The following NUP155 variants were observed in gnomAD, a reference collection of about 807,000 sequenced individuals.
NUP155 encodes nucleoporin 155, also known as nuclear pore complex protein Nup155.
Under a neutral mutation model 180.4 loss-of-function variants are expected in NUP155, and 71 were observed. That is an observed-to-expected ratio of 0.39 (90% CI 0.33 to 0.48). The LOEUF (loss-of-function observed/expected upper bound fraction) is 0.48, where lower values mean the gene tolerates loss of function less well. Ranked by LOEUF, NUP155 falls within the 20% of genes least tolerant of loss-of-function variation. The pLI is 0.91. For missense variants in NUP155, 1,553 were observed against 1,648.9 expected (o/e 0.94, Z 1.01); for synonymous variants, 582 against 559.5 (o/e 1.04, Z -0.57).
Position 37,349,219 on chromosome 5 carries a change from T to C in NUP155, c.856A>G (p.Asn286Asp). The C allele has an allele frequency of 1.2e-6, 1 of 832,740 alleles. No individual in the cohort carries two copies. 51.6% of individuals were successfully genotyped at this position (832,740 alleles called of 1,614,324 possible). Reference protein sequence around the residue: ...DDPILQIAIDNSRNILYTRSE... With the variant: ...DDPILQIAIDDSRNILYTRSE... ...CGTGTATATAAAATATTTCTAGAAT[T>C]ATCAATTGCAATTTGAAGAATAGGA... Residue 286 changes from asparagine (N) to aspartate (D), a missense_variant, in exon 8 of 35, where the codon AAT becomes GAT. Coordinates refer to ENST00000231498, the MANE Select transcript of NUP155 (RefSeq NM_153485.3).
intron 1 of NUP155, among the ~76,000 whole-genome samples, chr5:37,366,362 T>C (rs1166423813): frequency 6.6e-6 from 1 of 152,258 alleles, no homozygotes; most frequent in South Asian, 2.1e-4. Context: ...ACCCATGTAC[T>C]GATTATCCAA....
chr5:37,321,749 T>TAC (rs745455978), intron 20 of NUP155, among the ~76,000 whole-genome samples: 36 of 151,944 alleles, frequency 2.4e-4, no homozygotes, highest in South Asian at 4.2e-4. Flanking sequence ...TATATATGTA[T>TAC]ACACACACAC....
chr5:37,340,296 C>T (rs1279000504), intron 11 of NUP155, among the ~76,000 whole-genome samples: 1 of 151,970 alleles, frequency 6.6e-6, no homozygotes, highest in African/African-American at 2.4e-5. Flanking sequence ...CAAAAATTAG[C>T]CGGGTGTGGT....
chr5:37,298,918 A>C lies in NUP155; in HGVS notation c.3743T>G (p.Ile1248Ser). 3 of 1,613,606 alleles carry C rather than the reference A, an allele frequency of 1.9e-6. No homozygotes were observed. The highest frequency in any genetic ancestry group is 1.7e-4 in the Middle Eastern group (1 of 6,060). Residue 1248 changes from isoleucine to serine, a missense_variant, in exon 32 of 35, where the codon ATT (isoleucine) becomes AGT (serine). Ile to Ser is a moderately radical substitution (Grantham distance 142, BLOSUM62 -2). Coordinates refer to ENST00000231498, the MANE Select transcript of NUP155 (RefSeq NM_153485.3). ...SDRMHALSLK[I>S]VLLGKIYAGT... Reference sequence around the variant, plus strand: ...AGCATAAATTTTGCCAAGGAGAACAATCTTGAGACTAAGAGCATGCATTCT... The same window carrying C: ...AGCATAAATTTTGCCAAGGAGAACACTCTTGAGACTAAGAGCATGCATTCT...
At chr5:37,363,344 C>T (rs1747343448) in intron 3 of NUP155, among the ~76,000 whole-genome samples, 1 of 152,120 alleles carries the variant, frequency 6.6e-6, no homozygotes, top group Non-Finnish European at 1.5e-5. Context: ...ATGTAATGGA[C>T]AACTGGAAGT....
chr5:37,301,580 A>C, intron 29 of NUP155, 30 bp from the exon 30 acceptor site: 1 of 1,287,894 alleles, frequency 7.8e-7, no homozygotes, highest in Non-Finnish European at 1.1e-6. Context: ...GGATGTCTTA[A>C]TTTATTTATG....
rs141281600 is a variant in NUP155, at chr5:37,301,875, G to A, written c.3448-325C>T. On this transcript the variant is annotated intron_variant, in intron 29 of 34. Transcript: ENST00000231498. Reference sequence around the variant, plus strand: ...TCTCTTCAAAGGAATGTGAGTAGAAGTAGTGTGTCATGTCAGGGCTATAGT... The same window carrying A: ...TCTCTTCAAAGGAATGTGAGTAGAAATAGTGTGTCATGTCAGGGCTATAGT... Among the ~76,000 whole-genome samples the A allele has an allele frequency of 3.0e-4, 45 of 152,320 alleles. No individual in the cohort carries two copies. In the East Asian group the frequency reaches 8.5e-3, roughly 29 times the overall value.
chr5:37,334,993 A>T (rs1745229240), intron 12 of NUP155, among the ~76,000 whole-genome samples: 1 of 151,958 alleles, frequency 6.6e-6, no homozygotes, highest in Non-Finnish European at 1.5e-5. Context: ...CCCTGTCTCT[A>T]CTAAAAATAG....
At chr5:37,300,756 A>T (rs747957902) in intron 30 of NUP155, among the ~76,000 whole-genome samples, 40 of 152,080 alleles carry the variant, frequency 2.6e-4, no homozygotes, top group Admixed American at 1.0e-3. Flanking sequence ...TCCTGGGCTA[A>T]ATCAATCCTC....
rs199631516 is a variant in NUP155 at position 37,292,896 on chromosome 5, T to C, written c.4020A>G (p.Gln1340=). Residue 1340 remains glutamine (Q), a synonymous_variant, in exon 34 of 35, where the codon CAA becomes CAG. Transcript: ENST00000231498. ...LLIRYVENPS[Q]VLNCERRRFT... is the part of the protein sequence containing the mutation. ...ATAAGTACCTTTCACAATTTAAAAC[T>C]TGGCTGGGATTCTCAACATATCTTA... 34 of 1,608,074 alleles carry C rather than the reference T, an allele frequency of 2.1e-5. No homozygotes were observed. In the East Asian group the frequency reaches 5.6e-4, roughly 26 times the overall value.
At chr5:37,360,925 A>C (rs1314320073) in intron 3 of NUP155, among the ~76,000 whole-genome samples, 3 of 152,144 alleles carry the variant, frequency 2.0e-5, no homozygotes, top group Non-Finnish European at 4.4e-5. Context: ...GGTATATAAC[A>C]AAAGTATAGC....
intron 12 of NUP155, among the ~76,000 whole-genome samples, chr5:37,334,286 A>G (rs1208094139): frequency 2.0e-5 from 3 of 151,884 alleles, no homozygotes; most frequent in Admixed American, 1.3e-4. Flanking sequence ...TATGTTTTGT[A>G]TGAACAGGGT....
At chr5:37,303,038 T>G in intron 28 of NUP155, 130 bp from the exon 29 acceptor site, 1 of 1,145,258 alleles carries the variant, frequency 8.7e-7, no homozygotes, top group Non-Finnish European at 1.3e-6. Context: ...AAAAAAATCA[T>G]TAGATTTAAA....
chr5:37,337,614 A>C (rs1745418469), intron 12 of NUP155, among the ~76,000 whole-genome samples: 1 of 152,190 alleles, frequency 6.6e-6, no homozygotes, highest in South Asian at 2.1e-4. Context: ...GTTTTCTTTA[A>C]AGATTTTTTT....
chr5:37,321,918 C>T (rs1011626735), intron 20 of NUP155, among the ~76,000 whole-genome samples: 45 of 152,098 alleles, frequency 3.0e-4, no homozygotes, highest in Middle Eastern at 3.4e-3. Flanking sequence ...TGCAATGGCA[C>T]GATCTGGGCT....
chr5:37,315,096 G>A (rs1191980025), intron 21 of NUP155, among the ~76,000 whole-genome samples: 1 of 152,042 alleles, frequency 6.6e-6, no homozygotes, highest in Non-Finnish European at 1.5e-5. Context: ...GATGGGTGTG[G>A]TGGCACACGC....
At chr5:37,333,704 TTAA>T (rs1443875816) in intron 12 of NUP155, 71 bp from the exon 13 acceptor site, 3 of 1,091,424 alleles carry the variant, frequency 2.7e-6, no homozygotes, top group Non-Finnish European at 4.1e-6. Flanking sequence ...AACTACAGAC[TTAA>T]TAAAGAAGTA....
rs1293476198 is a variant in NUP155, at chr5:37,290,110, A to C, written c.*1790T>G. On this transcript the variant is annotated 3_prime_UTR_variant, in exon 35 of 35. Coordinates refer to ENST00000231498, the MANE Select transcript of NUP155 (RefSeq NM_153485.3). ...ATAATGGAAGGAAAAATATATTCAA[A>C]ATGTATTGTACAAATTGTTAGACAT... The C allele has an allele frequency of 6.6e-6, 1 of 152,204 alleles. No individual in the cohort carries two copies. Among genetic ancestry groups the C allele is most frequent in the Non-Finnish European group, 1.5e-5 (1 of 68,036 alleles). 9.4% of individuals were successfully genotyped at this position (152,204 alleles called of 1,614,324 possible).
Position 37,342,648 on chromosome 5 carries a change from T to TA in NUP155, c.996-3dup. ...TTAAAAACAGAACGATCGATGGTCC[T>TA]AAAAGAAAGGAGAAAATAAAGTGTA... On this transcript the variant is annotated splice_region_variant and splice_polypyrimidine_tract_variant and intron_variant, in intron 9 of 34. Transcript: ENST00000231498. 1 of 1,574,208 alleles carries TA rather than the reference T, an allele frequency of 6.4e-7. No homozygotes were observed. The highest frequency in any genetic ancestry group is 8.7e-7 in the Non-Finnish European group (1 of 1,143,904).
Sources: gnomAD v4.1 joint callset for allele counts (sites outside exome capture counted in the v4.1 genomes callset) on GRCh38, gnomAD v4.1.1 for gene constraint, MANE v1.5 for transcripts, NCBI Gene and HGNC (gene_info 2026-07-23, HGNC 2026-07-21) for gene names.